The following DENND4C variants were observed in gnomAD, a reference collection of about 807,000 sequenced individuals.
DENND4C encodes DENN domain-containing protein 4C.
In DENND4C, 108 loss-of-function variants were observed where a neutral mutation model predicts 203.0. That is an observed-to-expected ratio of 0.53 (90% CI 0.46 to 0.62). The LOEUF (loss-of-function observed/expected upper bound fraction) is 0.62, where lower values mean the gene tolerates loss of function less well. DENND4C is among the 20% of genes least tolerant of loss of function. The probability of loss-of-function intolerance (pLI) is 0.00; values close to 1 mark genes in which losing one functional copy is unlikely to be tolerated. For missense variants in DENND4C, 2,481 were observed against 2,301.2 expected, an observed-to-expected ratio of 1.08 and a Z score of -1.60; for synonymous variants, 871 against 792.4, an observed-to-expected ratio of 1.10 and a Z score of -1.67.
intron 2 of DENND4C, among the ~76,000 whole-genome samples, chr9:19,283,910 G>A (rs767403627): frequency 6.6e-6 from 1 of 152,084 alleles, no homozygotes; most frequent in Non-Finnish European, 1.5e-5. Context: ...CATTTCTTGA[G>A]ACACAGAATC....
chr9:19,271,335 G>T (rs186863996), intron 1 of DENND4C, among the ~76,000 whole-genome samples: 159 of 151,886 alleles, frequency 1.0e-3, no homozygotes, highest in African/African-American at 3.8e-3. Flanking sequence ...GAGTAGCTGG[G>T]ATTACAGATG....
intron 30 of DENND4C, among the ~76,000 whole-genome samples, chr9:19,367,082 G>A (rs938142132): frequency 4.6e-5 from 7 of 152,090 alleles, no homozygotes; most frequent in African/African-American, 1.7e-4. Context: ...ATGGCCAAAA[G>A]CTCATGAAAA....
At chr9:19,283,610 CT>C (rs553611899) in intron 2 of DENND4C, among the ~76,000 whole-genome samples, 2,922 of 116,528 alleles carry the variant, frequency 0.025, 32 homozygotes, top group Non-Finnish European at 0.036. Flanking sequence ...TTTTTTCTTT[CT>C]TTTTTTTTTT....
chr9:19,341,832 T>G lies in DENND4C; in HGVS notation c.3004+718T>G, dbSNP rs559080376. Reference sequence around the variant, plus strand: ...ATAGTTTTCATTGGTAGGTTAAAAATAGTCTATGTGGGCTGGGCGTGGTGG... The same window carrying G: ...ATAGTTTTCATTGGTAGGTTAAAAAGAGTCTATGTGGGCTGGGCGTGGTGG... On this transcript the variant is annotated intron_variant, in intron 21 of 32. Coordinates refer to ENST00000434457, the MANE Select transcript of DENND4C (RefSeq NM_001330640.2). Among the ~76,000 whole-genome samples the G allele has an allele frequency of 2.0e-5, 3 of 152,214 alleles. No homozygotes were observed. In the South Asian group the frequency reaches 6.2e-4, roughly 32 times the overall value.
chr9:19,314,264 C>T (rs1841332923), intron 10 of DENND4C, among the ~76,000 whole-genome samples: 1 of 151,934 alleles, frequency 6.6e-6, no homozygotes. Flanking sequence ...ACCATCCTGG[C>T]TAACACAGTG....
chr9:19,252,116 G>T (rs568129601), intron 1 of DENND4C, among the ~76,000 whole-genome samples: 2 of 152,308 alleles, frequency 1.3e-5, no homozygotes, highest in Admixed American at 1.3e-4. Flanking sequence ...GGGTTTATTG[G>T]ACTTACAGTT....
In DENND4C at chr9:19,345,913, C is replaced by T. The variant is rs754785004; in HGVS notation, c.3152-8C>T. 6 of 1,569,070 alleles carry T rather than the reference C, an allele frequency of 3.8e-6. No homozygotes were observed. Among genetic ancestry groups the T allele is most frequent in the South Asian group, 2.4e-5 (2 of 83,260 alleles). The stretch of plus-strand genomic sequence containing the variant: ...GGTTCATTGTTAATATTTTACTTTC[C>T]CTTTTAGGTAGTATATCAAATGTGC... On this transcript the variant is annotated splice_region_variant and splice_polypyrimidine_tract_variant and intron_variant, in intron 22 of 32. Coordinates refer to ENST00000434457, the MANE Select transcript of DENND4C (RefSeq NM_001330640.2).
chr9:19,275,277 C>CTTT (rs71335412), intron 1 of DENND4C, among the ~76,000 whole-genome samples: 5 of 129,982 alleles, frequency 3.8e-5, no homozygotes, highest in East Asian at 2.3e-4. Context: ...CAGGCCCGGC[C>CTTT]TTTTTTTTTT....
chr9:19,323,134 C>T (rs189597320), intron 12 of DENND4C, among the ~76,000 whole-genome samples: 2 of 152,134 alleles, frequency 1.3e-5, no homozygotes, highest in East Asian at 1.9e-4. Context: ...GCAAGACACC[C>T]ATCTCTTAAA....
At chr9:19,304,561 G>A (rs767904228) in intron 9 of DENND4C, among the ~76,000 whole-genome samples, 2 of 148,688 alleles carry the variant, frequency 1.3e-5, no homozygotes, top group Non-Finnish European at 3.0e-5. Flanking sequence ...TTTTGAGACC[G>A]AGTCTCACTC....
intron 10 of DENND4C, among the ~76,000 whole-genome samples, chr9:19,308,837 A>G (rs1668436781): frequency 6.6e-6 from 1 of 152,226 alleles, no homozygotes; most frequent in Admixed American, 6.5e-5. Flanking sequence ...ATCAGTTTCT[A>G]CATTTGTATA....
In DENND4C at chr9:19,316,725, G is replaced by A; in HGVS notation, c.1693G>A (p.Ala565Thr). The A allele has an allele frequency of 1.2e-6, 2 of 1,614,048 alleles. No individual in the cohort carries two copies. Among genetic ancestry groups the A allele is most frequent in the Non-Finnish European group, 1.7e-6 (2 of 1,180,000 alleles). The change falls in exon 12 of 33, where the codon GCA (alanine) becomes ACA (threonine). Residue 565 changes from alanine (A) to threonine (T), a missense_variant. By Grantham distance (58) the Ala-to-Thr change is moderately conservative (BLOSUM62 0). Transcript: ENST00000434457. ...MTQLEMEIQE[A>T]FLRFMASILK... The stretch of plus-strand genomic sequence containing the variant: ...ACAGCTTGAGATGGAAATTCAAGAG[G>A]CATTTTTGCGCTTTATGGCGTCTAT...
At chr9:19,347,855 G>A (rs1396931988) in intron 23 of DENND4C, among the ~76,000 whole-genome samples, 6 of 152,166 alleles carry the variant, frequency 3.9e-5, no homozygotes, top group Non-Finnish European at 8.8e-5. Context: ...AAGTCAAGCT[G>A]CAGCTTAATC....
chr9:19,283,489 G>C (rs935306923), intron 2 of DENND4C, among the ~76,000 whole-genome samples: 2 of 151,890 alleles, frequency 1.3e-5, no homozygotes, highest in Admixed American at 6.6e-5. Context: ...TATAATCTAT[G>C]GCACCACCAT....
intron 10 of DENND4C, among the ~76,000 whole-genome samples, chr9:19,315,354 C>T (rs1762122215): frequency 6.6e-6 from 1 of 151,576 alleles, no homozygotes; most frequent in Non-Finnish European, 1.5e-5. Context: ...GGTTTTCAAC[C>T]CGTGAAGATG....
At chr9:19,290,019 A>G (rs1229553344) in intron 4 of DENND4C, among the ~76,000 whole-genome samples, 1 of 152,110 alleles carries the variant, frequency 6.6e-6, no homozygotes, top group East Asian at 1.9e-4. Context: ...AGAGTTTTAG[A>G]TACTGAATTT....
At chr9:19,240,021 C>T (rs1823274251) in intron 1 of DENND4C, among the ~76,000 whole-genome samples, 1 of 152,152 alleles carries the variant, frequency 6.6e-6, no homozygotes, top group Non-Finnish European at 1.5e-5. Flanking sequence ...GAGTGTTGAA[C>T]TCCCTGTGAT....
intron 23 of DENND4C, among the ~76,000 whole-genome samples, chr9:19,349,037 C>T (rs1012434652): frequency 6.6e-6 from 1 of 152,122 alleles, no homozygotes; most frequent in Non-Finnish European, 1.5e-5. Context: ...GACTCCTGGG[C>T]TCAAGTGTTC....
At chr9:19,283,214 A>C (rs1834480347) in intron 2 of DENND4C, among the ~76,000 whole-genome samples, 1 of 151,548 alleles carries the variant, frequency 6.6e-6, no homozygotes. Flanking sequence ...AGACAAAAAG[A>C]CACATGTTAG....
Sources: allele counts gnomAD v4.1 joint callset (sites outside exome capture counted in the v4.1 genomes callset), GRCh38; gene constraint gnomAD v4.1.1; transcripts MANE v1.5; gene names NCBI Gene and HGNC (gene_info 2026-07-23, HGNC 2026-07-21).